The following ELAVL2 variants were observed in gnomAD, a reference collection of about 807,000 sequenced individuals.
ELAVL2 encodes the protein ELAV-like protein 2.
In ELAVL2, 4 loss-of-function variants were observed where a neutral mutation model predicts 34.6. That is an observed-to-expected ratio of 0.12 (90% CI 0.06 to 0.26). The LOEUF (loss-of-function observed/expected upper bound fraction) is 0.26, where lower values mean the gene tolerates loss of function less well. Among genes scored for constraint, ELAVL2 ranks in the 10% least tolerant of loss-of-function variants. The probability of loss-of-function intolerance (pLI) is 1.00; values close to 1 mark genes in which losing one functional copy is unlikely to be tolerated. For missense variants in ELAVL2, 432 were observed against 442.8 expected, an observed-to-expected ratio of 0.98 and a Z score of 0.22; for synonymous variants, 193 against 154.8, an observed-to-expected ratio of 1.25 and a Z score of -1.83.
Position 23,691,439 on chromosome 9 carries a change from A to G in ELAVL2, c.*1118T>C, listed in dbSNP as rs2033148276. Reference sequence around the variant, plus strand: ...CGTCTTTTTTCCTTAAGACAAAACAATTCTTCAAACAATACTGCAAGTACA... The same window carrying G: ...CGTCTTTTTTCCTTAAGACAAAACAGTTCTTCAAACAATACTGCAAGTACA... On this transcript the variant is annotated 3_prime_UTR_variant, in exon 7 of 7. Transcript: ENST00000397312. 1 of 152,556 alleles carries G rather than the reference A, an allele frequency of 6.6e-6. No individual in the cohort carries two copies. The highest frequency in any genetic ancestry group is 2.4e-5 in the African/African-American group (1 of 41,416). The allele number at this position is 152,556 out of a possible 1,614,324, so 9.5% of individuals were successfully genotyped here. A position where few individuals can be genotyped will look rare whatever the true frequency, so the allele number is the denominator to read the frequency against.
intron 1 of ELAVL2, among the ~76,000 whole-genome samples, chr9:23,789,386 T>C (rs147957087): frequency 2.2e-3 from 341 of 152,326 alleles, no homozygotes; most frequent in African/African-American, 7.8e-3. Context: ...ATTTATTAAA[T>C]TTATGCTACA....
intron 1 of ELAVL2, among the ~76,000 whole-genome samples, chr9:23,787,991 A>G (rs1038219781): frequency 6.6e-6 from 1 of 152,196 alleles, no homozygotes; most frequent in African/African-American, 2.4e-5. Flanking sequence ...CTTTAGTCCA[A>G]GCAGTGATTA....
chr9:23,788,999 G>A (rs899392192), intron 1 of ELAVL2, among the ~76,000 whole-genome samples: 4 of 152,162 alleles, frequency 2.6e-5, no homozygotes, highest in African/African-American at 9.7e-5. Flanking sequence ...TGGGTAAGGA[G>A]GAACTACTGC....
chr9:23,755,880 G>C (rs941927127), intron 2 of ELAVL2, among the ~76,000 whole-genome samples: 5 of 152,094 alleles, frequency 3.3e-5, no homozygotes, highest in Admixed American at 2.0e-4. Context: ...TTGATCTCTT[G>C]ATACTATGGA....
intron 4 of ELAVL2, among the ~76,000 whole-genome samples, chr9:23,703,550 A>G (rs1305024531): frequency 1.3e-5 from 2 of 152,262 alleles, no homozygotes; most frequent in East Asian, 3.9e-4. Context: ...CAGAACTCTA[A>G]AGGTGGTGCT....
At chr9:23,713,548 G>T (rs146378259) in intron 3 of ELAVL2, among the ~76,000 whole-genome samples, 1 of 152,242 alleles carries the variant, frequency 6.6e-6, no homozygotes, top group African/African-American at 2.4e-5. Flanking sequence ...AACCACCAAA[G>T]AGTCTATTCC....
chr9:23,756,952 G>A (rs1225194685), intron 2 of ELAVL2, among the ~76,000 whole-genome samples: 1 of 152,056 alleles, frequency 6.6e-6, no homozygotes, highest in African/African-American at 2.4e-5. Context: ...TTCCAATGCG[G>A]GAATCCTGTG....
rs7857534 is a variant in ELAVL2, at chr9:23,717,149, G to C, written c.334-12078C>G. Among the ~76,000 whole-genome samples the C allele has an allele frequency of 5.2e-3, 788 of 152,258 alleles. 7 individuals are homozygous for C. Among genetic ancestry groups the C allele is most frequent in the African/African-American group, 0.018 (752 of 41,552 alleles). On this transcript the variant is annotated intron_variant, in intron 3 of 6. Coordinates refer to ENST00000397312, the MANE Select transcript of ELAVL2 (RefSeq NM_004432.5). ...CTATAACTAGAAGAAAAACTGCTTTGCAACAATGTTCAGAAACCCAAGTCT... is the reference window on the plus strand; with the variant it reads ...CTATAACTAGAAGAAAAACTGCTTTCCAACAATGTTCAGAAACCCAAGTCT...
chr9:23,729,506 C>G (rs1056588548), intron 3 of ELAVL2, among the ~76,000 whole-genome samples: 4 of 152,056 alleles, frequency 2.6e-5, no homozygotes, highest in African/African-American at 9.7e-5. Flanking sequence ...ATATAGATAA[C>G]GAGAAAAAGC....
intron 3 of ELAVL2, among the ~76,000 whole-genome samples, chr9:23,717,478 T>C (rs1161006556): frequency 6.6e-6 from 1 of 152,234 alleles, no homozygotes; most frequent in African/African-American, 2.4e-5. Context: ...AGAAGGTTAT[T>C]ACTTGATAGA....
At chr9:23,757,702 C>G (rs928637559) in intron 2 of ELAVL2, among the ~76,000 whole-genome samples, 4 of 152,006 alleles carry the variant, frequency 2.6e-5, no homozygotes, top group African/African-American at 9.7e-5. Flanking sequence ...AGATAGGAAA[C>G]AGGCTGAAGC....
At chr9:23,819,411 TAACC>T (rs1372756693) in intron 1 of ELAVL2, among the ~76,000 whole-genome samples, 7 of 152,160 alleles carry the variant, frequency 4.6e-5, no homozygotes, top group Non-Finnish European at 7.4e-5. Context: ...GGTTCCATAG[TAACC>T]TTTTGACACT....
chr9:23,814,680 G>A (rs1330106610), intron 1 of ELAVL2, among the ~76,000 whole-genome samples: 1 of 152,050 alleles, frequency 6.6e-6, no homozygotes, highest in African/African-American at 2.4e-5. Context: ...CCTGGGAACA[G>A]GTTATAAAAT....
intron 1 of ELAVL2, among the ~76,000 whole-genome samples, chr9:23,771,934 C>T (rs2057373538): frequency 6.6e-6 from 1 of 152,168 alleles, no homozygotes; most frequent in Non-Finnish European, 1.5e-5. Flanking sequence ...ATCATTCCAA[C>T]CCCATTCTTT....
At chr9:23,810,592 T>A (rs2062842955) in intron 1 of ELAVL2, among the ~76,000 whole-genome samples, 1 of 152,128 alleles carries the variant, frequency 6.6e-6, no homozygotes, top group South Asian at 2.1e-4. Flanking sequence ...TTCTTGGATC[T>A]GATTTCAGCC....
intron 1 of ELAVL2, among the ~76,000 whole-genome samples, chr9:23,771,081 G>T (rs957736067): frequency 1.6e-4 from 24 of 152,136 alleles, no homozygotes; most frequent in Non-Finnish European, 3.1e-4. Context: ...ATTGTGTGTG[G>T]GTGTGCAGGA....
At chr9:23,751,882 T>C (rs976794958) in intron 2 of ELAVL2, among the ~76,000 whole-genome samples, 1 of 152,146 alleles carries the variant, frequency 6.6e-6, no homozygotes, top group African/African-American at 2.4e-5. Flanking sequence ...AAGGCTGGTG[T>C]AATATCATTA....
chr9:23,744,234 G>A (rs1341078902), intron 2 of ELAVL2, among the ~76,000 whole-genome samples: 1 of 152,138 alleles, frequency 6.6e-6, no homozygotes, highest in Non-Finnish European at 1.5e-5. Flanking sequence ...AGATTCTGAT[G>A]TGCGTGTTAG....
intron 3 of ELAVL2, among the ~76,000 whole-genome samples, chr9:23,715,716 TAA>T (rs751141146): frequency 2.7e-4 from 41 of 152,294 alleles, no homozygotes; most frequent in Admixed American, 2.2e-3. Flanking sequence ...AAAATGTACT[TAA>T]GATATAATTT....
Sources: gnomAD v4.1 joint callset for allele counts (sites outside exome capture counted in the v4.1 genomes callset) on GRCh38, gnomAD v4.1.1 for gene constraint, MANE v1.5 for transcripts, NCBI Gene and HGNC (gene_info 2026-07-23, HGNC 2026-07-21) for gene names.